IL1RAPL2: variants seen among roughly 807,000 people sequenced by gnomAD.
IL1RAPL2 encodes the protein X-linked interleukin-1 receptor accessory protein-like 2.
Under a neutral mutation model 44.1 loss-of-function variants are expected in IL1RAPL2, and 3 were observed. That is an observed-to-expected ratio of 0.07 (90% CI 0.03 to 0.18). The LOEUF is 0.18. Among genes scored for constraint, IL1RAPL2 ranks in the 10% least tolerant of loss-of-function variants. IL1RAPL2 has a pLI of 1.00. For missense variants in IL1RAPL2, 391 were observed against 496.4 expected (o/e 0.79, Z 2.02); for synonymous variants, 181 against 178.8 (o/e 1.01, Z -0.10).
intron 2 of IL1RAPL2, among the ~76,000 whole-genome samples, chrX:105,171,565 A>T (rs186299291): frequency 2.7e-5 from 3 of 110,859 alleles, no homozygotes; most frequent in Non-Finnish European, 5.7e-5. Context: ...TTGGAGGTCT[A>T]TGGAGGCAGT....
chrX:104,605,585 G>C (rs1336061781), intron 1 of IL1RAPL2, among the ~76,000 whole-genome samples: 4 of 111,505 alleles, frequency 3.6e-5, no homozygotes, highest in African/African-American at 1.3e-4. Context: ...GACTAATAAA[G>C]AAGAAAAGAG....
At chrX:104,898,384 A>G (rs1265889339) in intron 2 of IL1RAPL2, among the ~76,000 whole-genome samples, 1 of 112,555 alleles carries the variant, frequency 8.9e-6, no homozygotes, top group Non-Finnish European at 1.9e-5. Context: ...ATGAGAGACA[A>G]CTAAGTATAG....
At chrX:105,564,888 A>T (rs1161634800) in intron 6 of IL1RAPL2, among the ~76,000 whole-genome samples, 1 of 111,280 alleles carries the variant, frequency 9.0e-6, no homozygotes, top group Non-Finnish European at 1.9e-5. Context: ...AAAGGCTTTG[A>T]TTTTTTCTGA....
chrX:105,152,970 G>A (rs1421453264), intron 2 of IL1RAPL2, among the ~76,000 whole-genome samples: 1 of 112,226 alleles, frequency 8.9e-6, no homozygotes, highest in Non-Finnish European at 1.9e-5. Flanking sequence ...ACCAGTCTGT[G>A]GTATTCTGTT....
intron 6 of IL1RAPL2, among the ~76,000 whole-genome samples, chrX:105,604,766 C>T (rs998893429): frequency 5.4e-5 from 6 of 111,037 alleles, no homozygotes; most frequent in African/African-American, 2.0e-4. Context: ...AATACAAGCA[C>T]ACCAAATCCA....
chrX:105,343,540 C>T (rs1272414885), intron 5 of IL1RAPL2, among the ~76,000 whole-genome samples: 1 of 111,568 alleles, frequency 9.0e-6, no homozygotes, highest in Non-Finnish European at 1.9e-5. Context: ...GTAAAATGAT[C>T]CATTGAATAT....
intron 1 of IL1RAPL2, among the ~76,000 whole-genome samples, chrX:104,589,306 C>T (rs948947898): frequency 5.3e-5 from 6 of 112,212 alleles, no homozygotes; most frequent in Non-Finnish European, 5.6e-5. Context: ...AATGTGGAGT[C>T]TGATGTTCGA....
intron 2 of IL1RAPL2, among the ~76,000 whole-genome samples, chrX:104,934,310 C>G (rs1323303073): frequency 9.1e-6 from 1 of 109,325 alleles, no homozygotes; most frequent in Non-Finnish European, 1.9e-5. Context: ...CATCAAGGAA[C>G]AAATCAAGAC....
chrX:105,663,779 A>G (rs2037737382), intron 6 of IL1RAPL2, among the ~76,000 whole-genome samples: 2 of 112,128 alleles, frequency 1.8e-5, no homozygotes, highest in African/African-American at 3.2e-5. Context: ...ATTGCTTGTT[A>G]TGTACGATAG....
chrX:104,602,480 T>A (rs6523787), intron 1 of IL1RAPL2, among the ~76,000 whole-genome samples: 5 of 109,556 alleles, frequency 4.6e-5, no homozygotes, highest in Non-Finnish European at 9.5e-5. Context: ...TGAGACAGAA[T>A]CAATTACTCC....
intron 2 of IL1RAPL2, among the ~76,000 whole-genome samples, chrX:105,114,675 C>G (rs1351823279): frequency 9.0e-6 from 1 of 111,695 alleles, no homozygotes; most frequent in African/African-American, 3.3e-5. Context: ...TTACTAATGG[C>G]TAGGCTGGGA....
At chrX:105,548,719 T>C (rs1394462982) in intron 6 of IL1RAPL2, among the ~76,000 whole-genome samples, 1 of 111,486 alleles carries the variant, frequency 9.0e-6, no homozygotes, top group Non-Finnish European at 1.9e-5. Flanking sequence ...TACTGTTTGA[T>C]CTCGGTCCTG....
At chrX:104,827,347 T>C (rs1261452088) in intron 2 of IL1RAPL2, among the ~76,000 whole-genome samples, 1 of 111,276 alleles carries the variant, frequency 9.0e-6, no homozygotes, top group Non-Finnish European at 1.9e-5. Context: ...CAGCAATTGC[T>C]TGTCTGTAAA....
chrX:104,765,907 C>A (rs888188983), intron 2 of IL1RAPL2, among the ~76,000 whole-genome samples: 1 of 112,319 alleles, frequency 8.9e-6, no homozygotes, highest in Non-Finnish European at 1.9e-5. Context: ...AAATGCTGCC[C>A]ATTGAGCATG....
At chrX:105,291,856 C>A (rs2034615359) in intron 5 of IL1RAPL2, among the ~76,000 whole-genome samples, 1 of 111,222 alleles carries the variant, frequency 9.0e-6, no homozygotes, top group Non-Finnish European at 1.9e-5. Context: ...TTGAACTGCA[C>A]AGGTCCAGGT....
intron 10 of IL1RAPL2, among the ~76,000 whole-genome samples, chrX:105,764,131 A>T (rs1602561706): frequency 9.0e-6 from 1 of 111,344 alleles, no homozygotes; most frequent in Non-Finnish European, 1.9e-5. Context: ...TATGCAGGAG[A>T]CAGGGACCAC....
At chrX:104,711,676 C>G (rs1345081679) in intron 2 of IL1RAPL2, among the ~76,000 whole-genome samples, 1 of 92,057 alleles carries the variant, frequency 1.1e-5, no homozygotes, top group African/African-American at 4.2e-5. Context: ...GGGCAATGAC[C>G]TGGCTCATTG....
At chrX:104,874,674 A>T (rs191763452) in intron 2 of IL1RAPL2, among the ~76,000 whole-genome samples, 1 of 111,891 alleles carries the variant, frequency 8.9e-6, no homozygotes, top group Non-Finnish European at 1.9e-5. Context: ...CACACTGACC[A>T]GATAATAACC....
At chrX:104,676,892 C>T (rs182581987) in intron 2 of IL1RAPL2, among the ~76,000 whole-genome samples, 352 of 112,025 alleles carry the variant, frequency 3.1e-3, no homozygotes, top group African/African-American at 0.011. Context: ...TTGATCACAT[C>T]GGCTCTTGAG....
Sources: allele counts gnomAD v4.1 joint callset (sites outside exome capture counted in the v4.1 genomes callset), GRCh38; gene constraint gnomAD v4.1.1; transcripts MANE v1.5; gene names NCBI Gene and HGNC (gene_info 2026-07-23, HGNC 2026-07-21).